The following DRAXIN variants were observed in gnomAD, a reference collection of about 807,000 sequenced individuals.
DRAXIN encodes the protein dorsal repulsive axon guidance protein.
DRAXIN carries 27 observed loss-of-function variants against 33.9 expected under a neutral mutation model. The observed-to-expected ratio is 0.80, with a 90% CI of 0.59 to 1.10. The LOEUF (loss-of-function observed/expected upper bound fraction) is 1.10, where lower values mean the gene tolerates loss of function less well. Ranked by LOEUF, DRAXIN falls within the 50% of genes least tolerant of loss-of-function variation. The pLI, the probability that DRAXIN is intolerant of heterozygous loss-of-function variation, is 0.00. For synonymous variants in DRAXIN, 178 were observed against 194.0 expected, an observed-to-expected ratio of 0.92 and a Z score of 0.69; for missense variants, 371 against 460.8, an observed-to-expected ratio of 0.81 and a Z score of 1.78.
intron 1 of DRAXIN, among the ~76,000 whole-genome samples, chr1:11,699,820 G>A (rs1203631360): frequency 6.6e-6 from 1 of 152,012 alleles, no homozygotes; most frequent in South Asian, 2.1e-4. Context: ...CCAGCTACTC[G>A]GGAGGCTAAG....
Position 11,692,608 on chromosome 1 carries a change from G to A in DRAXIN, c.-11+755G>A, listed in dbSNP as rs1263740299. Among the ~76,000 whole-genome samples, 1 of 152,236 alleles carries A rather than the reference G, an allele frequency of 6.6e-6. No homozygotes were observed. The highest frequency in any genetic ancestry group is 1.9e-4 in the East Asian group (1 of 5,188). On this transcript the variant is annotated intron_variant, in intron 1 of 6. Transcript: ENST00000294485. The surrounding 1 kb of genome is among the most constrained non-coding windows in gnomAD (Gnocchi z 5.8). ...CCTTCGGGGCCGGGGTATGAGATGA[G>A]AGAGGGCTGGGGTTTCCCGCCAAGT...
chr1:11,693,485 T>A (rs1182985993), intron 1 of DRAXIN, among the ~76,000 whole-genome samples: 2 of 152,128 alleles, frequency 1.3e-5, no homozygotes, highest in African/African-American at 4.8e-5. Context: ...TGACGTGGCC[T>A]GAGTGTCTTA....
chr1:11,707,238 A>G (rs578206424), intron 2 of DRAXIN, among the ~76,000 whole-genome samples: 1 of 152,214 alleles, frequency 6.6e-6, no homozygotes, highest in Non-Finnish European at 1.5e-5. Context: ...TCAACAGATC[A>G]TCCTCCTGAA....
In DRAXIN at chr1:11,694,511, G is replaced by T. The variant is rs1641160363; in HGVS notation, c.-11+2658G>T. 6.6e-6 allele frequency among the ~76,000 whole-genome samples: 1 copy of T among 152,176 alleles called. No homozygotes were observed. The highest frequency in any genetic ancestry group is 2.1e-4 in the South Asian group (1 of 4,834). ...GGCTCACCCCAGCCGTGCAGATTGG[G>T]TTTGAAGCCCAGCTGATCACTTAGC... On this transcript the variant is annotated intron_variant, in intron 1 of 6. Coordinates refer to ENST00000294485, the MANE Select transcript of DRAXIN (RefSeq NM_198545.4). The surrounding 1 kb of genome is among the most constrained non-coding windows in gnomAD (Gnocchi z 4.9).
intron 5 of DRAXIN, among the ~76,000 whole-genome samples, chr1:11,713,440 T>C (rs190230092): frequency 4.8e-4 from 73 of 152,332 alleles, no homozygotes; most frequent in Non-Finnish European, 9.4e-4. Flanking sequence ...CTGCCAGGCA[T>C]TCTGGAGATG....
intron 1 of DRAXIN, among the ~76,000 whole-genome samples, chr1:11,701,712 G>T (rs1425619618): frequency 6.6e-6 from 1 of 152,122 alleles, no homozygotes; most frequent in African/African-American, 2.4e-5. Flanking sequence ...AGCAACCCGG[G>T]CCGGGCAGAA....
chr1:11,713,665 G>A (rs1641532321), intron 5 of DRAXIN, among the ~76,000 whole-genome samples: 1 of 152,194 alleles, frequency 6.6e-6, no homozygotes, highest in Non-Finnish European at 1.5e-5. Flanking sequence ...GAGGCGGGAG[G>A]ATCCCGTGAG....
At chr1:11,695,986 T>C (rs992316768) in intron 1 of DRAXIN, among the ~76,000 whole-genome samples, 1 of 152,152 alleles carries the variant, frequency 6.6e-6, no homozygotes, top group African/African-American at 2.4e-5. Context: ...CCAAGGCTGC[T>C]GTCGGAAACA....
At chr1:11,713,737 A>C (rs1201484830) in intron 5 of DRAXIN, among the ~76,000 whole-genome samples, 2 of 152,190 alleles carry the variant, frequency 1.3e-5, no homozygotes, top group African/African-American at 2.4e-5. Context: ...AATAGTAATA[A>C]TTTAAAAAAA....
At position 11,722,470 on chromosome 1, in the gene DRAXIN, G is replaced by A. The variant is rs1407381615; in HGVS notation, c.*2774G>A. 1 of 152,200 alleles carries A rather than the reference G, an allele frequency of 6.6e-6. No homozygotes were observed. The highest frequency in any genetic ancestry group is 1.5e-5 in the Non-Finnish European group (1 of 68,032). The allele number at this position is 152,200 out of a possible 1,614,324, so 9.4% of individuals were successfully genotyped here. On this transcript the variant is annotated 3_prime_UTR_variant, in exon 7 of 7. Transcript: ENST00000294485. ...TCTCTATTTGACATTTCCAAAGAGG[G>A]ATGGGTGGATGGAACCTCTTAACTC...
In DRAXIN at chr1:11,694,350, C is replaced by G. The variant is rs1336842294; in HGVS notation, c.-11+2497C>G. On this transcript the variant is annotated intron_variant, in intron 1 of 6. Coordinates refer to ENST00000294485, the MANE Select transcript of DRAXIN (RefSeq NM_198545.4). This position sits in a 1 kb window ranked among gnomAD's most constrained non-coding sequence, Gnocchi z 4.9. ...CTGGTGGGGCCAGGGCGGAGCTGGC[C>G]CTCTGGCTGGGGAGGTTGGAGGGGG... Among the ~76,000 whole-genome samples, 1 of 152,062 alleles carries G rather than the reference C, an allele frequency of 6.6e-6. No homozygotes were observed. Among genetic ancestry groups the G allele is most frequent in the Non-Finnish European group, 1.5e-5 (1 of 68,004 alleles).
Position 11,706,601 on chromosome 1 carries a change from C to T in DRAXIN, c.343C>T (p.Leu115=). ...LLQDKDLLLG[L]ALPYPEKENR... is the part of the protein sequence containing the mutation. ...GCAGGACAAGGACCTGCTCCTGGGA[C>T]TGGCATTGCCCTACCCCGAGAAGGA... Residue 115 remains leucine, a synonymous_variant, in exon 2 of 7, where the codon CTG becomes TTG. Transcript: ENST00000294485. This position sits in a 1 kb window ranked among gnomAD's most constrained non-coding sequence, Gnocchi z 5.5. The T allele has an allele frequency of 6.2e-7, 1 of 1,604,842 alleles. No homozygotes were observed. Among genetic ancestry groups the T allele is most frequent in the East Asian group, 2.2e-5 (1 of 44,832 alleles).
At position 11,696,593 on chromosome 1, in the gene DRAXIN, A is replaced by G. The variant is rs1055352034; in HGVS notation, c.-11+4740A>G. 6.6e-6 allele frequency among the ~76,000 whole-genome samples: 1 copy of G among 151,764 alleles called. No individual in the cohort carries two copies. Among genetic ancestry groups the G allele is most frequent in the Admixed American group, 6.6e-5 (1 of 15,242 alleles). ...AAGAGCAAAAATCTGTCTCAAAAAA[A>G]CCAAAACAAAAAACACTTTGGGAGG... On this transcript the variant is annotated intron_variant, in intron 1 of 6. Coordinates refer to ENST00000294485, the MANE Select transcript of DRAXIN (RefSeq NM_198545.4). This position sits in a 1 kb window ranked among gnomAD's most constrained non-coding sequence, Gnocchi z 4.7.
intron 5 of DRAXIN, among the ~76,000 whole-genome samples, chr1:11,714,841 C>T (rs553568807): frequency 2.0e-5 from 3 of 152,236 alleles, no homozygotes; most frequent in Admixed American, 1.3e-4. Context: ...GTTCTACTGG[C>T]TCTGTCTGGG....
intron 3 of DRAXIN, among the ~76,000 whole-genome samples, chr1:11,710,053 C>T (rs1162124832): frequency 3.9e-5 from 6 of 151,986 alleles, no homozygotes; most frequent in Admixed American, 1.3e-4. Flanking sequence ...AGTGTGGTGG[C>T]GCACGCCTGT....
rs530888139 is a variant in DRAXIN at position 11,696,714 on chromosome 1, G to A, written c.-11+4861G>A. 1.8e-3 allele frequency among the ~76,000 whole-genome samples: 280 copies of A among 152,052 alleles called. 2 individuals carry two copies. The highest frequency in any genetic ancestry group is 6.5e-3 in the African/African-American group (270 of 41,496). ...CTAAAAATGCAAAAATTAGCCGGGC[G>A]TGGTGGTGTGCACCTGTAGTCCCAG... On this transcript the variant is annotated intron_variant, in intron 1 of 6. Coordinates refer to ENST00000294485, the MANE Select transcript of DRAXIN (RefSeq NM_198545.4). This position sits in a 1 kb window ranked among gnomAD's most constrained non-coding sequence, Gnocchi z 4.7.
chr1:11,702,186 TCA>T (rs1340970624), intron 1 of DRAXIN, among the ~76,000 whole-genome samples: 5 of 145,376 alleles, frequency 3.4e-5, no homozygotes, highest in African/African-American at 1.3e-4. Flanking sequence ...ACACACATGC[TCA>T]CACATACACA....
intron 1 of DRAXIN, among the ~76,000 whole-genome samples, chr1:11,697,042 TAAAAA>T (rs3073070): frequency 1.4e-5 from 2 of 140,316 alleles, no homozygotes; most frequent in Non-Finnish European, 3.1e-5. Context: ...TCTTAATAAT[TAAAAA>T]AAAAAAAAAA....
intron 5 of DRAXIN, among the ~76,000 whole-genome samples, chr1:11,712,672 G>T (rs907606599): frequency 1.3e-5 from 2 of 152,200 alleles, no homozygotes; most frequent in African/African-American, 4.8e-5. Context: ...GCTGAGGCGG[G>T]TGGAACACCT....
Sources: allele counts gnomAD v4.1 joint callset (sites outside exome capture counted in the v4.1 genomes callset), GRCh38; gene constraint gnomAD v4.1.1; non-coding constraint Gnocchi (gnomAD v3.1); transcripts MANE v1.5; gene names NCBI Gene and HGNC (gene_info 2026-07-23, HGNC 2026-07-21).